BMP2K: variants seen among roughly 807,000 people sequenced by gnomAD.
BMP2K encodes BMP2 inducible kinase.
BMP2K carries 74 observed loss-of-function variants against 116.0 expected under a neutral mutation model. That is an observed-to-expected ratio of 0.64 (90% CI 0.53 to 0.77). The LOEUF (loss-of-function observed/expected upper bound fraction) is 0.77. BMP2K is among the 30% of genes least tolerant of loss of function. BMP2K has a pLI of 0.00. For missense variants in BMP2K, 1,365 were observed against 1,403.6 expected, an observed-to-expected ratio of 0.97 and a Z score of 0.44; for synonymous variants, 486 against 502.5, an observed-to-expected ratio of 0.97 and a Z score of 0.44.
intron 1 of BMP2K, among the ~76,000 whole-genome samples, chr4:78,814,952 A>G (rs1729262012): frequency 6.6e-6 from 1 of 152,198 alleles, no homozygotes; most frequent in Admixed American, 6.6e-5. Context: ...AAAGGAGCTT[A>G]ACTAATTTTT....
chr4:78,803,468 T>C (rs1486401765), intron 1 of BMP2K, among the ~76,000 whole-genome samples: 1 of 152,164 alleles, frequency 6.6e-6, no homozygotes, highest in Non-Finnish European at 1.5e-5. Context: ...CAACCTCAGC[T>C]TACTGCAACC....
At chr4:78,833,721 A>G in intron 3 of BMP2K, 34 bp downstream of exon 3, 1 of 1,459,360 alleles carries the variant, frequency 6.9e-7, no homozygotes. Context: ...CTGTAATAAA[A>G]AGTTTCTCCT....
intron 15 of BMP2K, among the ~76,000 whole-genome samples, chr4:78,901,278 C>G (rs1412264194): frequency 6.9e-6 from 1 of 144,262 alleles, no homozygotes; most frequent in Non-Finnish European, 1.5e-5. Context: ...CTAGGCTTGT[C>G]TCTAATTCCT....
At chr4:78,832,585 G>A (rs984692740) in intron 2 of BMP2K, among the ~76,000 whole-genome samples, 3 of 152,128 alleles carry the variant, frequency 2.0e-5, no homozygotes, top group Admixed American at 6.5e-5. Context: ...TGATGGAGAA[G>A]CTTAGACTAA....
chr4:78,835,489 C>T (rs149187311), intron 3 of BMP2K, among the ~76,000 whole-genome samples: 1 of 151,626 alleles, frequency 6.6e-6, no homozygotes, highest in South Asian at 2.1e-4. Flanking sequence ...GTTAGCCGAG[C>T]GTTGTGGCAG....
intron 15 of BMP2K, among the ~76,000 whole-genome samples, chr4:78,891,310 C>G (rs1201162638): frequency 6.6e-6 from 1 of 152,000 alleles, no homozygotes; most frequent in Non-Finnish European, 1.5e-5. Flanking sequence ...TCCTCCTTAC[C>G]CCACCATGGA....
At chr4:78,781,798 G>C (rs1017230408) in intron 1 of BMP2K, among the ~76,000 whole-genome samples, 1 of 152,176 alleles carries the variant, frequency 6.6e-6, no homozygotes, top group Non-Finnish European at 1.5e-5. Flanking sequence ...CACTCTTTCA[G>C]TGATACAGAT....
intron 3 of BMP2K, among the ~76,000 whole-genome samples, chr4:78,840,884 T>C (rs1730727091): frequency 6.6e-6 from 1 of 152,182 alleles, no homozygotes; most frequent in Non-Finnish European, 1.5e-5. Flanking sequence ...GGTTATGATT[T>C]CTTTAGCTAT....
chr4:78,836,380 G>A (rs1408747984), intron 3 of BMP2K, among the ~76,000 whole-genome samples: 2 of 151,548 alleles, frequency 1.3e-5, no homozygotes, highest in Admixed American at 1.3e-4. Context: ...TCGCTCCACT[G>A]CACTCCAGCC....
intron 7 of BMP2K, among the ~76,000 whole-genome samples, chr4:78,857,756 C>G (rs1731572084): frequency 1.3e-5 from 2 of 152,080 alleles, no homozygotes; most frequent in Admixed American, 6.6e-5. Flanking sequence ...TTTAGAAAGA[C>G]TCAACGGAGA....
At chr4:78,788,984 AT>A (rs199715845) in intron 1 of BMP2K, among the ~76,000 whole-genome samples, 5 of 144,750 alleles carry the variant, frequency 3.5e-5, no homozygotes, top group Admixed American at 2.1e-4. Context: ...AATTTCACTG[AT>A]TTTTTTCTTT....
At chr4:78,785,945 G>A (rs985086286) in intron 1 of BMP2K, among the ~76,000 whole-genome samples, 5 of 152,016 alleles carry the variant, frequency 3.3e-5, no homozygotes, top group African/African-American at 7.3e-5. Flanking sequence ...GTACAAACTC[G>A]TTACTCTAGG....
At chr4:78,794,210 G>T (rs114563984) in intron 1 of BMP2K, among the ~76,000 whole-genome samples, 1 of 150,874 alleles carries the variant, frequency 6.6e-6, no homozygotes, top group East Asian at 1.9e-4. Context: ...TGACAATTTG[G>T]TAGGCTGAGT....
intron 13 of BMP2K, among the ~76,000 whole-genome samples, chr4:78,873,882 T>TTAAAGGTCCAGATCAG (rs1275894887): frequency 2.6e-5 from 4 of 152,074 alleles, no homozygotes; most frequent in African/African-American, 7.2e-5. Context: ...AAAGGCCAGT[T>TTAAAGGTCCAGATCAG]TAAAGGTCCA....
At chr4:78,843,386 C>T (rs1372148948) in intron 4 of BMP2K, among the ~76,000 whole-genome samples, 6 of 151,646 alleles carry the variant, frequency 4.0e-5, no homozygotes, top group Non-Finnish European at 8.8e-5. Flanking sequence ...TTCCTGCCCT[C>T]TCCCTCTAGA....
At chr4:78,887,704 C>T (rs1733175431) in intron 15 of BMP2K, among the ~76,000 whole-genome samples, 1 of 152,078 alleles carries the variant, frequency 6.6e-6, no homozygotes, top group African/African-American at 2.4e-5. Flanking sequence ...TCTTATATCC[C>T]TCTTTTGATT....
chr4:78,789,948 A>G (rs879554366), intron 1 of BMP2K, among the ~76,000 whole-genome samples: 8 of 152,208 alleles, frequency 5.3e-5, no homozygotes, highest in African/African-American at 1.9e-4. Context: ...GAAGTGCTGT[A>G]ATATCGGATC....
chr4:78,912,145 G>T lies in BMP2K; in HGVS notation c.*112G>T. Reference sequence around the variant, plus strand: ...TTATAGCATTCATTCTTAAAGATCAGTCAGAATAGGTGATTTCTAAATAAA... The same window carrying T: ...TTATAGCATTCATTCTTAAAGATCATTCAGAATAGGTGATTTCTAAATAAA... On this transcript the variant is annotated 3_prime_UTR_variant, in exon 16 of 16. Transcript: ENST00000502613. 1 of 931,876 alleles carries T rather than the reference G, an allele frequency of 1.1e-6. No homozygotes were observed. Among genetic ancestry groups the T allele is most frequent in the Non-Finnish European group, 1.7e-6 (1 of 604,600 alleles). The allele number at this position is 931,876 out of a possible 1,614,324, so 57.7% of individuals were successfully genotyped here.
At chr4:78,875,870 A>G (rs976092031) in intron 13 of BMP2K, among the ~76,000 whole-genome samples, 4 of 152,170 alleles carry the variant, frequency 2.6e-5, no homozygotes, top group African/African-American at 9.7e-5. Context: ...TTCTCCCTCA[A>G]TAAGTGATCC....
Sources: gnomAD v4.1 joint callset for allele counts (sites outside exome capture counted in the v4.1 genomes callset) on GRCh38, gnomAD v4.1.1 for gene constraint, MANE v1.5 for transcripts, NCBI Gene and HGNC (gene_info 2026-07-23, HGNC 2026-07-21) for gene names.